OGDH: variants seen among roughly 807,000 people sequenced by gnomAD.
OGDH encodes the protein 2-oxoglutarate dehydrogenase complex component E1.
Under a neutral mutation model 116.6 loss-of-function variants are expected in OGDH, and 38 were observed. That is an observed-to-expected ratio of 0.33 (90% confidence interval 0.25 to 0.43). OGDH has a LOEUF of 0.43. OGDH is among the 20% of genes least tolerant of loss of function. OGDH has a pLI of 1.00. For missense variants in OGDH, 825 were observed against 1,357.2 expected (o/e 0.61, Z 6.16); for synonymous variants, 488 against 533.3 (o/e 0.92, Z 1.17).
At chr7:44,683,526 C>G (rs1245589725) in intron 10 of OGDH, among the ~76,000 whole-genome samples, 1 of 152,112 alleles carries the variant, frequency 6.6e-6, no homozygotes, top group Non-Finnish European at 1.5e-5. Flanking sequence ...CCACCATGCC[C>G]GACAAGAATA....
intron 20 of OGDH, among the ~76,000 whole-genome samples, chr7:44,703,900 A>G (rs1056062611): frequency 6.6e-6 from 1 of 151,676 alleles, no homozygotes; most frequent in Non-Finnish European, 1.5e-5. Context: ...AAAAAAAAAG[A>G]CTGAATAATA....
Position 44,708,304 on chromosome 7 carries a change from T to C in OGDH, c.*305T>C, listed in dbSNP as rs14239. On this transcript the variant is annotated 3_prime_UTR_variant, in exon 23 of 23. Transcript: ENST00000222673. ...GGGGAGGGGTCAGCTCTGGCCACAA[T>C]CCTCCCCACCAGTCTCACCCACTAG... 0.18 allele frequency: 55,078 copies of C among 309,832 alleles called. 10,023 individuals are homozygous for C. The highest frequency in any genetic ancestry group is 0.55 in the African/African-American group (25,274 of 46,262). The allele number at this position is 309,832 out of a possible 1,614,324, so 19.2% of individuals were successfully genotyped here.
intron 10 of OGDH, among the ~76,000 whole-genome samples, chr7:44,683,038 A>C (rs1787994138): frequency 6.6e-6 from 1 of 151,438 alleles, no homozygotes; most frequent in South Asian, 2.1e-4. Context: ...AGTCCCAGCT[A>C]CTTGGGAGGC....
intron 7 of OGDH, among the ~76,000 whole-genome samples, chr7:44,674,952 G>A (rs937868773): frequency 6.6e-6 from 1 of 152,158 alleles, no homozygotes; most frequent in South Asian, 2.1e-4. Context: ...CAGGCCCATG[G>A]CATTGCTGCA....
chr7:44,674,282 T>G (rs991330264), intron 6 of OGDH, 129 bp from the exon 7 acceptor site: 2 of 1,090,600 alleles, frequency 1.8e-6, no homozygotes, highest in Admixed American at 4.0e-5. Context: ...TGACCTCAGC[T>G]GATCTGCCCA....
intron 10 of OGDH, among the ~76,000 whole-genome samples, chr7:44,688,367 T>C (rs1400688023): frequency 2.0e-5 from 3 of 151,626 alleles, no homozygotes; most frequent in Non-Finnish European, 4.4e-5. Context: ...CAAGACTCTG[T>C]CTCAAAAAAT....
intron 13 of OGDH, 120 bp downstream of exon 13, chr7:44,696,247 C>T: frequency 9.8e-7 from 1 of 1,024,488 alleles, no homozygotes; most frequent in Non-Finnish European, 1.5e-6. Flanking sequence ...GTTGTATGCA[C>T]CATTTCAGCA....
intron 4 of OGDH, chr7:44,656,242 TG>T: frequency 7.0e-7 from 1 of 1,426,048 alleles, no homozygotes; most frequent in Non-Finnish European, 9.5e-7. Flanking sequence ...TTTTGGTGTT[TG>T]GGTCTTTTTT....
intron 9 of OGDH, chr7:44,676,409 G>T: frequency 2.9e-6 from 2 of 680,936 alleles, no homozygotes; most frequent in East Asian, 6.9e-5. Flanking sequence ...TACAAAATTA[G>T]CTGGGCGTGG....
intron 4 of OGDH, among the ~76,000 whole-genome samples, chr7:44,651,430 G>A (rs1028032186): frequency 3.3e-5 from 5 of 152,144 alleles, no homozygotes; most frequent in African/African-American, 1.2e-4. Flanking sequence ...CCACAGTAGC[G>A]CCAGAGTGTC....
chr7:44,678,585 T>A (rs1260947425), intron 9 of OGDH, among the ~76,000 whole-genome samples: 1 of 152,150 alleles, frequency 6.6e-6, no homozygotes, highest in Non-Finnish European at 1.5e-5. Context: ...GAACTGTCAG[T>A]CCCTTTGTTT....
intron 1 of OGDH, chr7:44,622,848 G>C (rs956765651): frequency 6.6e-6 from 1 of 152,184 alleles, no homozygotes; most frequent in Non-Finnish European, 1.5e-5. Flanking sequence ...TGACTCTGCT[G>C]TTAGTAGCCT....
intron 4 of OGDH, among the ~76,000 whole-genome samples, chr7:44,654,470 T>C (rs573551689): frequency 1.3e-5 from 2 of 152,298 alleles, no homozygotes; most frequent in Non-Finnish European, 2.9e-5. Flanking sequence ...GTTCCTTTGA[T>C]GGCTGAGAAA....
At chr7:44,654,640 G>A (rs1278573397) in intron 4 of OGDH, among the ~76,000 whole-genome samples, 3 of 152,130 alleles carry the variant, frequency 2.0e-5, no homozygotes, top group Non-Finnish European at 2.9e-5. Context: ...TCGGGAGGGC[G>A]GGGCCAAGCT....
At chr7:44,695,167 C>G (rs562108292) in intron 12 of OGDH, among the ~76,000 whole-genome samples, 60 of 152,236 alleles carry the variant, frequency 3.9e-4, no homozygotes, top group Non-Finnish European at 8.2e-4. Context: ...ATGATCTTAG[C>G]TCACTGCAAC....
rs943889278 is a variant in OGDH, at chr7:44,707,262, T to A, written c.2670T>A (p.Pro890=). The part of the protein sequence containing the change: ...HFQRVIPEDG[P]AAQNPENVKR... ...AGCGGGTGATCCCAGAAGATGGCCC[T>A]GCAGCTCAGAACCCAGAAAATGTCA... The change falls in exon 21 of 23, where the codon CCT becomes CCA. Residue 890 remains proline (P), a synonymous_variant. Coordinates refer to ENST00000222673, the MANE Select transcript of OGDH (RefSeq NM_002541.4). The surrounding 1 kb of genome is among the most constrained non-coding windows in gnomAD (Gnocchi z 5.2). 2.5e-6 allele frequency: 4 copies of A among 1,614,126 alleles called. No homozygotes were observed. Among genetic ancestry groups the A allele is most frequent in the Non-Finnish European group, 3.4e-6 (4 of 1,180,056 alleles).
At chr7:44,683,293 G>A (rs1788006356) in intron 10 of OGDH, among the ~76,000 whole-genome samples, 1 of 152,196 alleles carries the variant, frequency 6.6e-6, no homozygotes, top group Non-Finnish European at 1.5e-5. Flanking sequence ...GTAGGGGCAT[G>A]ATGATAGCTC....
At chr7:44,702,805 C>G (rs977278124) in intron 20 of OGDH, among the ~76,000 whole-genome samples, 8 of 152,090 alleles carry the variant, frequency 5.3e-5, no homozygotes, top group Admixed American at 2.6e-4. Flanking sequence ...ACCGTGTTAG[C>G]CAGGATGGTG....
In OGDH at chr7:44,641,246, A is replaced by C. The variant is rs567234041; in HGVS notation, c.223-4081A>C. 3.3e-5 allele frequency among the ~76,000 whole-genome samples: 4 copies of C among 119,432 alleles called. No homozygotes were observed. The South Asian group carries it at 1.1e-3, about 32-fold the overall frequency. 78.4% of individuals were successfully genotyped at this position (119,432 alleles called of 152,430 possible). A position where few individuals can be genotyped will look rare whatever the true frequency, so the allele number is the denominator to read the frequency against. On this transcript the variant is annotated intron_variant, in intron 2 of 22. Coordinates refer to ENST00000222673, the MANE Select transcript of OGDH (RefSeq NM_002541.4). ...TTTTCTTTTTTTTTTTTTTTTTGGA[A>C]ACAGGGTGTCACTCTGTCGCCCAGG...
Sources: gnomAD v4.1 joint callset for allele counts (sites outside exome capture counted in the v4.1 genomes callset) on GRCh38, gnomAD v4.1.1 for gene constraint, Gnocchi (gnomAD v3.1) non-coding constraint, MANE v1.5 for transcripts, NCBI Gene and HGNC (gene_info 2026-07-23, HGNC 2026-07-21) for gene names.